ADAMTS5: variants seen among roughly 807,000 people sequenced by gnomAD.
ADAMTS5 encodes the protein ADAM metallopeptidase with thrombospondin type 1 motif 5.
ADAMTS5 carries 54 observed loss-of-function variants against 81.4 expected under a neutral mutation model. The ratio of observed to expected loss-of-function variants is 0.66; its 90% CI spans 0.53 to 0.83. The LOEUF (loss-of-function observed/expected upper bound fraction) is 0.83. Among genes scored for constraint, ADAMTS5 ranks in the 40% least tolerant of loss-of-function variants. The pLI, the probability that ADAMTS5 is intolerant of heterozygous loss-of-function variation, is 0.00. For synonymous variants in ADAMTS5, 532 were observed against 508.8 expected (o/e 1.05, Z -0.61); for missense variants, 1,194 against 1,229.9 (o/e 0.97, Z 0.44).
Position 26,929,955 on chromosome 21 carries a change from T to C in ADAMTS5, c.2156A>G (p.Asp719Gly), listed in dbSNP as rs1986875400. Residue 719 changes from aspartate to glycine, a missense_variant, in exon 7 of 8, where the codon GAC becomes GGC. Physicochemically the swap from Asp to Gly is moderately conservative, Grantham distance 94. This residue lies in a region of ADAMTS5 where 696 missense variants were observed against 817.6 expected (regional missense o/e 0.85). Transcript: ENST00000284987. ...DGIIGSKLQY[D>G]KCGVCGGDNS... ...GTCTCCTCCACATACTCCGCACTTG[T>C]CATACTGCAGCTTTGAGCCAATGAT... The C allele has an allele frequency of 6.2e-7, 1 of 1,614,070 alleles. No individual in the cohort carries two copies. Among genetic ancestry groups the C allele is most frequent in the African/African-American group, 1.3e-5 (1 of 74,938 alleles).
chr21:26,937,937 A>G (rs2123180050), intron 3 of ADAMTS5, among the ~76,000 whole-genome samples: 1 of 152,310 alleles, frequency 6.6e-6, no homozygotes. Context: ...TTATAAATGG[A>G]TAGACTATAA....
In ADAMTS5 at chr21:26,966,035, C is replaced by T; in HGVS notation, c.357G>A (p.Gly119=). Residue 119 remains glycine (G), a synonymous_variant, in exon 1 of 8, where the codon GGG becomes GGA. Coordinates refer to ENST00000284987, the MANE Select transcript of ADAMTS5 (RefSeq NM_007038.5). ...GIAGFVPAGG[G]TSAPWRHRSH... is the part of the protein sequence containing the mutation. ...TCCGGTGGCGCCAGGGCGCACTCGT[C>T]CCGCCTCCTGCGGGCACGAAGCCAG... 6.2e-7 allele frequency: 1 copy of T among 1,613,112 alleles called. No homozygotes were observed. Among genetic ancestry groups the T allele is most frequent in the African/African-American group, 1.3e-5 (1 of 75,052 alleles).
chr21:26,929,659 C>T (rs955365961), intron 7 of ADAMTS5, among the ~76,000 whole-genome samples: 2 of 152,170 alleles, frequency 1.3e-5, no homozygotes, highest in Non-Finnish European at 2.9e-5. Flanking sequence ...ATTCCCATGG[C>T]TACTGCAGTT....
In ADAMTS5 at chr21:26,924,241, T is replaced by C. The variant is rs778980267; in HGVS notation, c.2605A>G (p.Lys869Glu). 4 of 1,614,186 alleles carry C rather than the reference T, an allele frequency of 2.5e-6. No homozygotes were observed. The highest frequency in any genetic ancestry group is 1.7e-6 in the Non-Finnish European group (2 of 1,180,032). Reference protein sequence around the residue: ...VNSVTSHGSNKVGSHTSQPQW... With the variant: ...VNSVTSHGSNEVGSHTSQPQW... ...GGCTGCGAAGTGTGTGATCCCACTT[T>C]ATTGCTGCCATGACTAGTGACAGAG... is the stretch of plus-strand genomic sequence containing the variant. Residue 869 changes from lysine (K) to glutamate (E), a missense_variant, in exon 8 of 8, where the codon AAA becomes GAA. Physicochemically the swap from Lys to Glu is moderately conservative, Grantham distance 56. Around this residue, in one of 2 missense-constraint regions of ADAMTS5, gnomAD observed 696 missense variants for 817.6 expected, o/e 0.85. Transcript: ENST00000284987.
chr21:26,965,852 G>A lies in ADAMTS5; in HGVS notation c.540C>T (p.Arg180=), dbSNP rs1414758784. Reference sequence around the variant, plus strand: ...TCCGTGCGGACCCATCCCCGTACACGCGCCCCTTTTCTTCCTCCGCCCAGG... The same window carrying A: ...TCCGTGCGGACCCATCCCCGTACACACGCCCCTTTTCTTCCTCCGCCCAGG... ...RGPWAEEEKG[R]VYGDGSARIL... The change falls in exon 1 of 8, where the codon CGC becomes CGT. Residue 180 remains arginine, a synonymous_variant. Coordinates refer to ENST00000284987, the MANE Select transcript of ADAMTS5 (RefSeq NM_007038.5). 1 of 1,612,720 alleles carries A rather than the reference G, an allele frequency of 6.2e-7. No homozygotes were observed. The highest frequency in any genetic ancestry group is 8.5e-7 in the Non-Finnish European group (1 of 1,179,610).
intron 7 of ADAMTS5, among the ~76,000 whole-genome samples, chr21:26,925,542 A>G (rs1986791512): frequency 6.6e-6 from 1 of 152,212 alleles, no homozygotes. Context: ...TAGGATGGAA[A>G]TGCTAATTAA....
At chr21:26,946,530 T>C (rs1368698587) in intron 2 of ADAMTS5, among the ~76,000 whole-genome samples, 1 of 152,162 alleles carries the variant, frequency 6.6e-6, no homozygotes, top group African/African-American at 2.4e-5. Flanking sequence ...CATCTGCCTT[T>C]TCAGGGAGAG....
rs916828984 is a variant in ADAMTS5, at chr21:26,947,521, C to T, written c.1238-3974G>A. 6.6e-5 allele frequency among the ~76,000 whole-genome samples: 10 copies of T among 152,034 alleles called. No individual in the cohort carries two copies. In the South Asian group the frequency reaches 2.1e-3, roughly 32 times the overall value. On this transcript the variant is annotated intron_variant, in intron 2 of 7. Transcript: ENST00000284987. Reference sequence around the variant, plus strand: ...AGATCTCTGCTCACTGCAATCTCCACCTCCCGGGTTCAAGTGATTCTCCTG... The same window carrying T: ...AGATCTCTGCTCACTGCAATCTCCATCTCCCGGGTTCAAGTGATTCTCCTG...
rs777649165 is a variant in ADAMTS5 at position 26,954,739 on chromosome 21, C to T, written c.1237G>A (p.Gly413Arg). 3 of 1,613,588 alleles carry T rather than the reference C, an allele frequency of 1.9e-6. No homozygotes were observed. The highest frequency in any genetic ancestry group is 1.1e-5 in the South Asian group (1 of 91,000). The change falls in exon 2 of 8, where the codon GGA becomes AGA. Residue 413 changes from glycine to arginine, a missense_variant and splice_region_variant. By Grantham distance (125) the Gly-to-Arg change is moderately radical. Transcript: ENST00000284987. Reference sequence around the variant, plus strand: ...AGGGAAAAGAAAAGGCGCTGCATACCGATTTCGTGAGCCACAGTGAAGGCT... The same window carrying T: ...AGGGAAAAGAAAAGGCGCTGCATACTGATTTCGTGAGCCACAGTGAAGGCT... The part of the protein sequence containing the change: ...HAAFTVAHEI[G>R]HLLGLSHDDS...
intron 1 of ADAMTS5, among the ~76,000 whole-genome samples, chr21:26,955,500 T>C (rs561569305): frequency 6.6e-6 from 1 of 152,274 alleles, no homozygotes; most frequent in Admixed American, 6.5e-5. Context: ...ATATATTAAT[T>C]GTGTATACAT....
chr21:26,930,174 TC>T, intron 6 of ADAMTS5, 113 bp from the exon 7 acceptor site: 1 of 890,406 alleles, frequency 1.1e-6, no homozygotes, highest in Non-Finnish European at 1.6e-6. Flanking sequence ...GTATGGACAG[TC>T]CATTGAAAAA....
Position 26,933,483 on chromosome 21 carries a change from C to T in ADAMTS5, c.1690-439G>A, listed in dbSNP as rs140421269. On this transcript the variant is annotated intron_variant, in intron 4 of 7. Transcript: ENST00000284987. ...TTATTTAATTGTGTTTGCATCTCTT[C>T]AGCAGTAAAACTCTGCAGTCCCTTT... is the stretch of plus-strand genomic sequence containing the variant. 6.3e-3 allele frequency among the ~76,000 whole-genome samples: 961 copies of T among 152,318 alleles called. 29 individuals carry two copies. Among genetic ancestry groups the T allele is most frequent in the South Asian group, 0.048 (233 of 4,828 alleles).
chr21:26,965,830 G>A lies in ADAMTS5; in HGVS notation c.562C>T (p.Arg188Trp), dbSNP rs778134030. 25 of 1,611,012 alleles carry A rather than the reference G, an allele frequency of 1.6e-5. No individual in the cohort carries two copies. The highest frequency in any genetic ancestry group is 2.1e-5 in the Non-Finnish European group (25 of 1,179,038). ...TCGCGGGTGTAGACGTGCAGGATCC[G>A]TGCGGACCCATCCCCGTACACGCGC... ...KGRVYGDGSA[R>W]ILHVYTREGF... The change falls in exon 1 of 8, where the codon CGG (arginine) becomes TGG (tryptophan). Residue 188 changes from arginine to tryptophan, a missense_variant. Arg to Trp is a moderately radical substitution (Grantham distance 101). This residue lies in a region of ADAMTS5 where 498 missense variants were observed against 412.3 expected (regional missense o/e 1.21). Transcript: ENST00000284987.
In ADAMTS5 at chr21:26,934,348, A is replaced by G. The variant is rs943113454; in HGVS notation, c.1689+118T>C. On this transcript the variant is annotated intron_variant, in intron 4 of 7. Coordinates refer to ENST00000284987, the MANE Select transcript of ADAMTS5 (RefSeq NM_007038.5). ...AAGAAGAAGCTCTAAATAAACCTCA[A>G]AATGAAAAGTTTTTAAATTAGAAAA... The G allele has an allele frequency of 7.6e-5, 103 of 1,353,352 alleles. No homozygotes were observed. In the Middle Eastern group the frequency reaches 2.4e-3, roughly 32 times the overall value. 83.8% of individuals were successfully genotyped at this position (1,353,352 alleles called of 1,614,324 possible).
At chr21:26,954,689 G>A (rs762077386) in intron 2 of ADAMTS5, 50 bp downstream of exon 2, 42 of 1,598,838 alleles carry the variant, frequency 2.6e-5, no homozygotes, top group Non-Finnish European at 3.1e-5. Flanking sequence ...TCCTGTTGCA[G>A]CTGTTACAAG....
chr21:26,962,862 TTC>T (rs1568854010), intron 1 of ADAMTS5, among the ~76,000 whole-genome samples: 1 of 151,722 alleles, frequency 6.6e-6, no homozygotes. Flanking sequence ...TCCTCCAGAC[TTC>T]TTTTTTTTTT....
chr21:26,965,290 C>T lies in ADAMTS5; in HGVS notation c.1102G>A (p.Glu368Lys), dbSNP rs779897197. 36 of 1,607,106 alleles carry T rather than the reference C, an allele frequency of 2.2e-5. 1 individual carries two copies. Among genetic ancestry groups the T allele is most frequent in the Non-Finnish European group, 2.5e-5 (29 of 1,174,684 alleles). Residue 368 changes from glutamate (E) to lysine (K), a missense_variant and splice_region_variant, in exon 1 of 8, where the codon GAG becomes AAG. Around this residue, in one of 2 missense-constraint regions of ADAMTS5, gnomAD observed 696 missense variants for 817.6 expected, o/e 0.85. Transcript: ENST00000284987. ...CCCCGCATCCCGGCTGGACCTACCT[C>T]CCGAGTAAACAGGATAGCTGCATCG... ...HYDAAILFTREDLCGHHSCDT... is the reference protein window; with the variant it reads ...HYDAAILFTRKDLCGHHSCDT...
rs749665474 is a variant in ADAMTS5, at chr21:26,966,149, G to A, written c.243C>T (p.Tyr81=). 1.2e-6 allele frequency: 2 copies of A among 1,611,454 alleles called. No individual in the cohort carries two copies. The highest frequency in any genetic ancestry group is 8.5e-7 in the Non-Finnish European group (1 of 1,179,216). The change falls in exon 1 of 8, where the codon TAC becomes TAT. Residue 81 remains tyrosine, a synonymous_variant. Coordinates refer to ENST00000284987, the MANE Select transcript of ADAMTS5 (RefSeq NM_007038.5). Reference sequence around the variant, plus strand: ...GGTAGCCCACCTTGCCGCCGCCGGAGTAGAGTTGGTCGATGTTCTGCACCA... The same window carrying A: ...GGTAGCCCACCTTGCCGCCGCCGGAATAGAGTTGGTCGATGTTCTGCACCA... ...KGLVQNIDQL[Y]SGGGKVGYLV... is the part of the protein sequence containing the mutation.
rs1199321380 is a variant in ADAMTS5, at chr21:26,934,520, C to T, written c.1635G>A (p.Gly545=). 1 of 1,614,180 alleles carries T rather than the reference C, an allele frequency of 6.2e-7. No homozygotes were observed. The highest frequency in any genetic ancestry group is 1.1e-5 in the South Asian group (1 of 91,082). Residue 545 remains glycine, a synonymous_variant, in exon 4 of 8, where the codon GGG becomes GGA. Coordinates refer to ENST00000284987, the MANE Select transcript of ADAMTS5 (RefSeq NM_007038.5). ...PAVEGTPCGK[G]RICLQGKCVD... ...CACATTTGCCCTGCAGGCAGATTCT[C>T]CCCTTTCCACAAGGCGTCCCTTCCA...
Sources: allele counts gnomAD v4.1 joint callset (sites outside exome capture counted in the v4.1 genomes callset), GRCh38; gene constraint gnomAD v4.1.1; regional missense constraint gnomAD v4.1.1; transcripts MANE v1.5; gene names NCBI Gene and HGNC (gene_info 2026-07-23, HGNC 2026-07-21).